Variants in AK8 observed in about 807,000 individuals in gnomAD.
AK8 encodes ATP-AMP transphosphorylase 8.
Under a neutral mutation model 54.6 loss-of-function variants are expected in AK8, and 44 were observed. The observed-to-expected ratio is 0.81, with a 90% CI of 0.63 to 1.04. The LOEUF (loss-of-function observed/expected upper bound fraction) is 1.04, where lower values mean the gene tolerates loss of function less well. Among genes scored for constraint, AK8 ranks in the 50% least tolerant of loss-of-function variants. The pLI is 0.00. For synonymous variants in AK8, 239 were observed against 245.6 expected (o/e 0.97, Z 0.25); for missense variants, 555 against 613.6 (o/e 0.90, Z 1.01).
intron 11 of AK8, among the ~76,000 whole-genome samples, chr9:132,745,991 G>A (rs557883440): frequency 3.9e-5 from 6 of 152,288 alleles, no homozygotes; most frequent in Non-Finnish European, 8.8e-5. Flanking sequence ...CCAGAATTCT[G>A]TGAGCCGAAG....
intron 11 of AK8, among the ~76,000 whole-genome samples, chr9:132,731,083 C>T (rs996477032): frequency 2.6e-5 from 4 of 152,186 alleles, no homozygotes; most frequent in Admixed American, 1.3e-4. Context: ...CAATCCCAAA[C>T]GCCGAAATCC....
At chr9:132,787,365 G>C (rs1839755905) in intron 11 of AK8, among the ~76,000 whole-genome samples, 1 of 152,074 alleles carries the variant, frequency 6.6e-6, no homozygotes, top group South Asian at 2.1e-4. Flanking sequence ...ACAAAAGGAA[G>C]AGCCTACAAA....
chr9:132,807,338 T>C (rs1274786025), intron 10 of AK8, among the ~76,000 whole-genome samples: 2 of 152,206 alleles, frequency 1.3e-5, no homozygotes, highest in Non-Finnish European at 2.9e-5. Context: ...GCTGGGGACA[T>C]GGCATGGCTG....
chr9:132,759,723 C>T (rs1459584647), intron 11 of AK8, among the ~76,000 whole-genome samples: 1 of 152,194 alleles, frequency 6.6e-6, no homozygotes, highest in East Asian at 1.9e-4. Flanking sequence ...CGTGGTGCCA[C>T]CCCTGTCATT....
At chr9:132,738,628 G>C (rs1806276686) in intron 11 of AK8, among the ~76,000 whole-genome samples, 1 of 152,050 alleles carries the variant, frequency 6.6e-6, no homozygotes, top group African/African-American at 2.4e-5. Context: ...GGAAGTTCAG[G>C]GATGTTTCCC....
At chr9:132,733,697 A>G (rs1836970302) in intron 11 of AK8, among the ~76,000 whole-genome samples, 1 of 152,256 alleles carries the variant, frequency 6.6e-6, no homozygotes. Flanking sequence ...AGCCCAGGCC[A>G]CGCTGCTGAG....
At chr9:132,775,812 C>T (rs556245467) in intron 11 of AK8, among the ~76,000 whole-genome samples, 3 of 152,348 alleles carry the variant, frequency 2.0e-5, no homozygotes, top group Middle Eastern at 3.4e-3. Flanking sequence ...CTCTTGGGGA[C>T]AGCACAGCCA....
intron 4 of AK8, among the ~76,000 whole-genome samples, chr9:132,859,899 T>C (rs999388442): frequency 1.3e-5 from 2 of 152,030 alleles, no homozygotes; most frequent in African/African-American, 4.8e-5. Context: ...GGGCCACTAC[T>C]GTGGGAAGAA....
intron 11 of AK8, among the ~76,000 whole-genome samples, chr9:132,782,471 C>T (rs1297894589): frequency 6.6e-6 from 1 of 152,132 alleles, no homozygotes; most frequent in Non-Finnish European, 1.5e-5. Flanking sequence ...GGGTGGATCA[C>T]CTGAGGTCAG....
intron 11 of AK8, among the ~76,000 whole-genome samples, chr9:132,742,347 A>G (rs1837431952): frequency 6.6e-6 from 1 of 151,990 alleles, no homozygotes; most frequent in Non-Finnish European, 1.5e-5. Flanking sequence ...CTAATTTTTA[A>G]AAACATTTTT....
intron 11 of AK8, among the ~76,000 whole-genome samples, chr9:132,750,833 C>T (rs902146282): frequency 3.3e-5 from 5 of 151,928 alleles, no homozygotes; most frequent in East Asian, 3.9e-4. Flanking sequence ...ACTTTGCAAT[C>T]GGAAGAAACC....
At chr9:132,749,669 T>C (rs536926541) in intron 11 of AK8, among the ~76,000 whole-genome samples, 3 of 151,374 alleles carry the variant, frequency 2.0e-5, no homozygotes, top group African/African-American at 4.8e-5. Flanking sequence ...GTTTCCCAAA[T>C]GCAGGAAGTC....
intron 5 of AK8, among the ~76,000 whole-genome samples, chr9:132,841,189 C>G (rs1417775450): frequency 6.6e-6 from 1 of 152,180 alleles, no homozygotes; most frequent in Non-Finnish European, 1.5e-5. Context: ...GCACTGCAGC[C>G]CGAGCAGGCT....
chr9:132,789,094 GAC>G (rs1246336349), intron 11 of AK8, among the ~76,000 whole-genome samples: 2 of 152,098 alleles, frequency 1.3e-5, no homozygotes, highest in Non-Finnish European at 2.9e-5. Flanking sequence ...AGGAGATCGA[GAC>G]CATCCTGGCT....
intron 4 of AK8, among the ~76,000 whole-genome samples, chr9:132,863,431 C>T (rs1444112118): frequency 2.0e-5 from 3 of 152,252 alleles, no homozygotes; most frequent in Admixed American, 6.5e-5. Context: ...TCACTCGACC[C>T]GTGATCCTTT....
chr9:132,817,742 A>G (rs1392207776), intron 9 of AK8, among the ~76,000 whole-genome samples: 4 of 152,226 alleles, frequency 2.6e-5, no homozygotes, highest in Non-Finnish European at 4.4e-5. Context: ...ACAATACCAG[A>G]CAGTCTAACA....
intron 4 of AK8, among the ~76,000 whole-genome samples, chr9:132,859,875 T>G (rs2131400661): frequency 6.6e-6 from 1 of 151,896 alleles, no homozygotes; most frequent in East Asian, 1.9e-4. Flanking sequence ...AACGGGCCTG[T>G]GGAGAAGGTG....
chr9:132,784,166 G>T (rs1839591836), intron 11 of AK8, among the ~76,000 whole-genome samples: 1 of 152,184 alleles, frequency 6.6e-6, no homozygotes, highest in African/African-American at 2.4e-5. Context: ...AGAGAAGGGG[G>T]TAGGGGACAC....
intron 11 of AK8, among the ~76,000 whole-genome samples, chr9:132,752,250 A>AC (rs1837962786): frequency 7.2e-6 from 1 of 138,080 alleles, no homozygotes; most frequent in Admixed American, 7.2e-5. Flanking sequence ...ACATTTTCTA[A>AC]CTTTTTTTTT....
Sources: gnomAD v4.1 joint callset for allele counts (sites outside exome capture counted in the v4.1 genomes callset) on GRCh38, gnomAD v4.1.1 for gene constraint, MANE v1.5 for transcripts, NCBI Gene and HGNC (gene_info 2026-07-23, HGNC 2026-07-21) for gene names.